The following C12orf43 variants were observed in gnomAD, a reference collection of about 807,000 sequenced individuals.
C12orf43 encodes chromosome 12 open reading frame 43.
In C12orf43, 15 loss-of-function variants were observed where a neutral mutation model predicts 20.6. The ratio of observed to expected loss-of-function variants is 0.73; its 90% CI spans 0.49 to 1.12. The LOEUF (loss-of-function observed/expected upper bound fraction) is 1.12. Among genes scored for constraint, C12orf43 ranks in the 50% most tolerant of loss-of-function variants. The probability of loss-of-function intolerance (pLI) is 0.00; values close to 1 mark genes in which losing one functional copy is unlikely to be tolerated. For synonymous variants in C12orf43, 144 were observed against 130.8 expected, an observed-to-expected ratio of 1.10 and a Z score of -0.69; for missense variants, 334 against 344.4, an observed-to-expected ratio of 0.97 and a Z score of 0.24.
At position 121,003,994 on chromosome 12, in the gene C12orf43, G is replaced by T; in HGVS notation, c.*159C>A. On this transcript the variant is annotated 3_prime_UTR_variant, in exon 6 of 6. Transcript: ENST00000288757. ...GCCACTTTTTTGGCCCAACTCTCGA[G>T]CAAGCCTTCATCACCATCAGGGTCT... 1.2e-6 allele frequency: 1 copy of T among 813,510 alleles called. No individual in the cohort carries two copies. The highest frequency in any genetic ancestry group is 2.0e-6 in the Non-Finnish European group (1 of 498,382). The allele number at this position is 813,510 out of a possible 1,614,324, so 50.4% of individuals were successfully genotyped here. A position where few individuals can be genotyped will look rare whatever the true frequency, so the allele number is the denominator to read the frequency against.
At position 121,005,190 on chromosome 12, in the gene C12orf43, A is replaced by T. The variant is rs1427577514; in HGVS notation, c.362-97T>A. 2 of 686,240 alleles carry T rather than the reference A, an allele frequency of 2.9e-6. No homozygotes were observed. The highest frequency in any genetic ancestry group is 6.9e-5 in the East Asian group (2 of 29,110). The allele number at this position is 686,240 out of a possible 1,614,324, so 42.5% of individuals were successfully genotyped here. ...AAGAAACAAAAAAGAAAAAAATTTTAAAAAGGAAAACGAAAGAAAGAAAAG... is the reference window on the plus strand; with the variant it reads ...AAGAAACAAAAAAGAAAAAAATTTTTAAAAGGAAAACGAAAGAAAGAAAAG... On this transcript the variant is annotated intron_variant, in intron 4 of 5. Coordinates refer to ENST00000288757, the MANE Select transcript of C12orf43 (RefSeq NM_022895.3). This position sits in a 1 kb window ranked among gnomAD's most constrained non-coding sequence, Gnocchi z 5.6.
At chr12:121,008,304 T>C (rs1272168829) in intron 3 of C12orf43, among the ~76,000 whole-genome samples, 1 of 151,936 alleles carries the variant, frequency 6.6e-6, no homozygotes, top group Non-Finnish European at 1.5e-5. Context: ...CCAGCTAATT[T>C]TTGCATTTTT....
chr12:121,016,091 T>C (rs1196492623), intron 1 of C12orf43, among the ~76,000 whole-genome samples: 2 of 152,146 alleles, frequency 1.3e-5, no homozygotes, highest in African/African-American at 4.8e-5. Context: ...GCAGTGAGGA[T>C]AGACCCAAGG....
chr12:121,010,992 C>G (rs1424695554), intron 2 of C12orf43, 66 bp from the exon 3 acceptor site: 2 of 1,595,780 alleles, frequency 1.3e-6, no homozygotes, highest in Non-Finnish European at 1.7e-6. Flanking sequence ...AGCACAGGGA[C>G]CATGTGTGTC....
chr12:121,010,442 G>A (rs1187782104), intron 3 of C12orf43, among the ~76,000 whole-genome samples: 1 of 152,160 alleles, frequency 6.6e-6, no homozygotes, highest in Non-Finnish European at 1.5e-5. Flanking sequence ...AAATGACTTT[G>A]CCTCTCTGAG....
chr12:121,004,851 C>G lies in C12orf43; in HGVS notation c.452+152G>C. On this transcript the variant is annotated intron_variant, in intron 5 of 5. Transcript: ENST00000288757. The surrounding 1 kb of genome is among the most constrained non-coding windows in gnomAD (Gnocchi z 5.6). ...CAAAGCTGCCGCCAAGAGGGCTTTC[C>G]CTCCCGCTGAGCTCATGATTTCTCC... The G allele has an allele frequency of 1.8e-6, 1 of 557,306 alleles. No homozygotes were observed. Among genetic ancestry groups the G allele is most frequent in the Middle Eastern group, 4.9e-4 (1 of 2,024 alleles). 34.5% of individuals were successfully genotyped at this position (557,306 alleles called of 1,614,324 possible). A position where few individuals can be genotyped will look rare whatever the true frequency, so the allele number is the denominator to read the frequency against.
In C12orf43 at chr12:121,016,351, C is replaced by T. The variant is rs1868920412; in HGVS notation, c.124G>A (p.Val42Met). 6.2e-7 allele frequency: 1 copy of T among 1,613,804 alleles called. No individual in the cohort carries two copies. Reference sequence around the variant, plus strand: ...CTACCGGCTCTTGGCTTCCCTGCCACGTGCGGGCGTTGCTCCAAGCCCCAA... The same window carrying T: ...CTACCGGCTCTTGGCTTCCCTGCCATGTGCGGGCGTTGCTCCAAGCCCCAA... The part of the protein sequence containing the change: ...PAWGLEQRPH[V>M]AGKPRAGAAN... The change falls in exon 1 of 6, where the codon GTG (valine) becomes ATG (methionine). Residue 42 changes from valine (V) to methionine (M), a missense_variant. Transcript: ENST00000288757.
In C12orf43 at chr12:121,004,075, C is replaced by T; in HGVS notation, c.*78G>A. Reference sequence around the variant, plus strand: ...CTTGAACTTGGAGAGGGAGGTGGGGCTTGGAAATGCCTTGTCCCCAGGGTG... The same window carrying T: ...CTTGAACTTGGAGAGGGAGGTGGGGTTTGGAAATGCCTTGTCCCCAGGGTG... On this transcript the variant is annotated 3_prime_UTR_variant, in exon 6 of 6. Coordinates refer to ENST00000288757, the MANE Select transcript of C12orf43 (RefSeq NM_022895.3). This position sits in a 1 kb window ranked among gnomAD's most constrained non-coding sequence, Gnocchi z 5.6. 6.7e-7 allele frequency: 1 copy of T among 1,484,946 alleles called. No individual in the cohort carries two copies. The highest frequency in any genetic ancestry group is 1.1e-5 in the South Asian group (1 of 88,280). 92.0% of individuals were successfully genotyped at this position (1,484,946 alleles called of 1,614,324 possible).
chr12:121,012,308 C>G (rs942552918), intron 1 of C12orf43: 3 of 687,720 alleles, frequency 4.4e-6, no homozygotes, highest in African/African-American at 3.5e-5. Context: ...AAACCGGGAG[C>G]AGCAGAGATG....
rs752867911 is a variant in C12orf43 at position 121,010,859 on chromosome 12, C to A, written c.256G>T (p.Val86Leu). The A allele has an allele frequency of 6.2e-7, 1 of 1,614,120 alleles. No homozygotes were observed. Among genetic ancestry groups the A allele is most frequent in the Non-Finnish European group, 8.5e-7 (1 of 1,179,988 alleles). Reference sequence around the variant, plus strand: ...AGCAGGGCTCCCAGCTTCTTGGCTACGTGGGCTCGGAATTCAGGGGTGGTC... The same window carrying A: ...AGCAGGGCTCCCAGCTTCTTGGCTAAGTGGGCTCGGAATTCAGGGGTGGTC... ...LQTTPEFRAH[V>L]AKKLGALLDS... is the part of the protein sequence containing the mutation. The change falls in exon 3 of 6, where the codon GTA becomes TTA. Residue 86 changes from valine to leucine, a missense_variant. Physicochemically the swap from Val to Leu is conservative, Grantham distance 32. Coordinates refer to ENST00000288757, the MANE Select transcript of C12orf43 (RefSeq NM_022895.3).
Position 121,001,271 on chromosome 12 carries a change from C to G in C12orf43, c.*2882G>C. 6.4e-7 allele frequency: 1 copy of G among 1,554,990 alleles called. No homozygotes were observed. Among genetic ancestry groups the G allele is most frequent in the Non-Finnish European group, 8.8e-7 (1 of 1,140,560 alleles). On this transcript the variant is annotated 3_prime_UTR_variant, in exon 6 of 6. Transcript: ENST00000288757. ...CAGCAGCCAGCCCTGCCTGGAGGACCTGAGCCTGCCGAGCAACCGTGGCCC... is the reference window on the plus strand; with the variant it reads ...CAGCAGCCAGCCCTGCCTGGAGGACGTGAGCCTGCCGAGCAACCGTGGCCC...
Position 121,004,499 on chromosome 12 carries a change from C to A in C12orf43, c.453-10G>T. On this transcript the variant is annotated splice_polypyrimidine_tract_variant and intron_variant, in intron 5 of 5. Transcript: ENST00000288757. The surrounding 1 kb of genome is among the most constrained non-coding windows in gnomAD (Gnocchi z 5.6). ...CTCGTCACTGTCCTCACTGCTGCAA[C>A]GAGAGGGTACCCTGGGTTAGCTGGA... The A allele has an allele frequency of 6.3e-7, 1 of 1,582,374 alleles. No homozygotes were observed. The highest frequency in any genetic ancestry group is 8.6e-7 in the Non-Finnish European group (1 of 1,165,932).
rs1877754072 is a variant in C12orf43 at position 121,004,085 on chromosome 12, C to A, written c.*68G>T. On this transcript the variant is annotated 3_prime_UTR_variant, in exon 6 of 6. Transcript: ENST00000288757. The surrounding 1 kb of genome is among the most constrained non-coding windows in gnomAD (Gnocchi z 5.6). ...GAGAGGGAGGTGGGGCTTGGAAATG[C>A]CTTGTCCCCAGGGTGGGGGGGACAC... 6.5e-7 allele frequency: 1 copy of A among 1,529,530 alleles called. No homozygotes were observed. Among genetic ancestry groups the A allele is most frequent in the Non-Finnish European group, 9.1e-7 (1 of 1,103,636 alleles). 94.7% of individuals were successfully genotyped at this position (1,529,530 alleles called of 1,614,324 possible). A position where few individuals can be genotyped will look rare whatever the true frequency, so the allele number is the denominator to read the frequency against.
intron 3 of C12orf43, among the ~76,000 whole-genome samples, chr12:121,007,707 C>T (rs1033940984): frequency 1.6e-4 from 25 of 152,322 alleles, no homozygotes; most frequent in African/African-American, 5.3e-4. Context: ...GATGGAGATG[C>T]CACTGTGCAC....
In C12orf43 at chr12:121,005,217, T is replaced by C. The variant is rs897157845; in HGVS notation, c.362-124A>G. 14 of 388,948 alleles carry C rather than the reference T, an allele frequency of 3.6e-5. No homozygotes were observed. Among genetic ancestry groups the C allele is most frequent in the Non-Finnish European group, 5.9e-5 (14 of 236,652 alleles). 24.1% of individuals were successfully genotyped at this position (388,948 alleles called of 1,614,324 possible). On this transcript the variant is annotated intron_variant, in intron 4 of 5. Transcript: ENST00000288757. The surrounding 1 kb of genome is among the most constrained non-coding windows in gnomAD (Gnocchi z 5.6). ...AAAGGAAAACGAAAGAAAGAAAAGA[T>C]AAAGAGAAACAAAAAAAAAATTTTA...
Position 121,005,184 on chromosome 12 carries a change from A to T in C12orf43, c.362-91T>A, listed in dbSNP as rs1877898156. On this transcript the variant is annotated intron_variant, in intron 4 of 5. Transcript: ENST00000288757. The surrounding 1 kb of genome is among the most constrained non-coding windows in gnomAD (Gnocchi z 5.6). The stretch of plus-strand genomic sequence containing the variant: ...AAAATAAAGAAACAAAAAAGAAAAA[A>T]ATTTTAAAAAGGAAAACGAAAGAAA... 1 of 743,522 alleles carries T rather than the reference A, an allele frequency of 1.3e-6. No homozygotes were observed. The highest frequency in any genetic ancestry group is 1.8e-5 in the African/African-American group (1 of 54,846). 46.1% of individuals were successfully genotyped at this position (743,522 alleles called of 1,614,324 possible).
At position 121,001,639 on chromosome 12, in the gene C12orf43, T is replaced by A. The variant is rs143731661; in HGVS notation, c.*2514A>T. 312 of 444,758 alleles carry A rather than the reference T, an allele frequency of 7.0e-4. 4 individuals carry two copies. The East Asian group carries it at 0.011, about 15-fold the overall frequency. 27.6% of individuals were successfully genotyped at this position (444,758 alleles called of 1,614,324 possible). ...AGCTCTGAGAGGCCCTGGATCAGCG[T>A]GGCCTTGTTCTGTCACCAATGTACC... is the stretch of plus-strand genomic sequence containing the variant. On this transcript the variant is annotated 3_prime_UTR_variant, in exon 6 of 6. Transcript: ENST00000288757.
Position 121,002,061 on chromosome 12 carries a change from G to A in C12orf43, c.*2092C>T, listed in dbSNP as rs1314151828. On this transcript the variant is annotated 3_prime_UTR_variant, in exon 6 of 6. Transcript: ENST00000288757. ...GTGGGGCAGCTCCTCTGTCTCGAGC[G>A]CCCTGCAGACCCTGCCCTTGTTTGG... is the stretch of plus-strand genomic sequence containing the variant. The A allele has an allele frequency of 3.7e-6, 2 of 536,734 alleles. No homozygotes were observed. The highest frequency in any genetic ancestry group is 3.6e-6 in the Non-Finnish European group (1 of 276,672). The allele number at this position is 536,734 out of a possible 1,614,324, so 33.2% of individuals were successfully genotyped here.
chr12:121,008,396 A>T (rs886237671), intron 3 of C12orf43, among the ~76,000 whole-genome samples: 4 of 152,112 alleles, frequency 2.6e-5, no homozygotes, highest in Non-Finnish European at 5.9e-5. Context: ...CAGCCTCCCA[A>T]AGTGCTGGGA....
Sources: gnomAD v4.1 joint callset for allele counts (sites outside exome capture counted in the v4.1 genomes callset) on GRCh38, gnomAD v4.1.1 for gene constraint, Gnocchi (gnomAD v3.1) non-coding constraint, MANE v1.5 for transcripts, NCBI Gene and HGNC (gene_info 2026-07-23, HGNC 2026-07-21) for gene names.